FHOD3: variants seen among roughly 807,000 people sequenced by gnomAD.
FHOD3 encodes formin homology 2 domain containing 3.
A neutral mutation model predicts 173.0 loss-of-function variants in FHOD3; 90 were observed. That is an observed-to-expected ratio of 0.52 (90% confidence interval 0.44 to 0.62). FHOD3 has a LOEUF of 0.62. Among genes scored for constraint, FHOD3 ranks in the 20% least tolerant of loss-of-function variants. The pLI, the probability that FHOD3 is intolerant of heterozygous loss-of-function variation, is 0.00. For synonymous variants in FHOD3, 828 were observed against 823.0 expected, an observed-to-expected ratio of 1.01 and a Z score of -0.10; for missense variants, 1,945 against 2,034.7, an observed-to-expected ratio of 0.96 and a Z score of 0.85.
chr18:36,512,441 G>A lies in FHOD3; in HGVS notation c.409G>A (p.Asp137Asn), dbSNP rs1237751176. ...LFSLKQIFQD[D>N]KDLVHEFVVA... is the part of the protein sequence containing the mutation. ...TTTTTGTTTTCTTTCCTGCCAGGAT[G>A]ACAAGGATTTGGTGCATGAATTTGT... is the stretch of plus-strand genomic sequence containing the variant. Residue 137 changes from aspartate (D) to asparagine (N), a missense_variant, in exon 5 of 29, where the codon GAC becomes AAC. Around this residue, in one of 5 missense-constraint regions of FHOD3, gnomAD observed 245 missense variants for 267.7 expected, o/e 0.92. Coordinates refer to ENST00000590592, the MANE Select transcript of FHOD3 (RefSeq NM_001281740.3). 2 of 1,613,346 alleles carry A rather than the reference G, an allele frequency of 1.2e-6. No homozygotes were observed. The highest frequency in any genetic ancestry group is 1.1e-5 in the South Asian group (1 of 91,050).
intron 24 of FHOD3, among the ~76,000 whole-genome samples, chr18:36,754,565 A>C (rs2042543522): frequency 6.6e-6 from 1 of 152,096 alleles, no homozygotes; most frequent in Admixed American, 6.5e-5. Flanking sequence ...GAAATGTTTA[A>C]AAATATTTAC....
chr18:36,492,134 C>T (rs1027359737), intron 3 of FHOD3, among the ~76,000 whole-genome samples: 4 of 152,182 alleles, frequency 2.6e-5, no homozygotes, highest in Admixed American at 2.0e-4. Context: ...CAGTCCTCCA[C>T]GTGGTCTTAA....
At chr18:36,699,914 G>A (rs1000197965) in intron 17 of FHOD3, among the ~76,000 whole-genome samples, 2 of 151,490 alleles carry the variant, frequency 1.3e-5, no homozygotes, top group Non-Finnish European at 2.9e-5. Context: ...GTCGCTTTTT[G>A]TTGACTTTCT....
intron 3 of FHOD3, among the ~76,000 whole-genome samples, chr18:36,419,509 A>T (rs772430939): frequency 3.9e-5 from 6 of 152,152 alleles, no homozygotes; most frequent in Non-Finnish European, 8.8e-5. Context: ...TGTTTTCATG[A>T]ATTTATATAA....
chr18:36,474,986 T>TACACAC lies in FHOD3; in HGVS notation c.338-26903_338-26898dup, dbSNP rs3056805. On this transcript the variant is annotated intron_variant, in intron 3 of 28. Transcript: ENST00000590592. ...TTTGAAGAGGTTGAAAATACACACA[T>TACACAC]ACACACACACACACACACACACACA... Among the ~76,000 whole-genome samples, 841 of 108,080 alleles carry TACACAC rather than the reference T, an allele frequency of 7.8e-3. 10 individuals are homozygous for TACACAC. Among genetic ancestry groups the TACACAC allele is most frequent in the Middle Eastern group, 0.013 (3 of 234 alleles). The allele number at this position is 108,080 out of a possible 152,430, so 70.9% of individuals were successfully genotyped here. A position where few individuals can be genotyped will look rare whatever the true frequency, so the allele number is the denominator to read the frequency against.
intron 3 of FHOD3, among the ~76,000 whole-genome samples, chr18:36,383,629 C>G (rs2047895138): frequency 6.6e-6 from 1 of 152,188 alleles, no homozygotes; most frequent in African/African-American, 2.4e-5. Flanking sequence ...TTTATAAAAG[C>G]AGAAAGGGAA....
At chr18:36,335,603 G>T (rs756530420) in intron 1 of FHOD3, among the ~76,000 whole-genome samples, 3 of 152,158 alleles carry the variant, frequency 2.0e-5, no homozygotes. Flanking sequence ...CCCATGGGCC[G>T]CAGGTTGGAC....
intron 3 of FHOD3, among the ~76,000 whole-genome samples, chr18:36,487,889 A>G (rs1468987161): frequency 2.0e-5 from 3 of 152,220 alleles, no homozygotes; most frequent in Non-Finnish European, 4.4e-5. Context: ...GGATCCACAC[A>G]CAGCTTGTCC....
chr18:36,677,328 T>C (rs2037929791), intron 14 of FHOD3, among the ~76,000 whole-genome samples: 1 of 152,174 alleles, frequency 6.6e-6, no homozygotes, highest in Non-Finnish European at 1.5e-5. Flanking sequence ...TAATTTTGTA[T>C]TTTTAGTAGA....
intron 15 of FHOD3, among the ~76,000 whole-genome samples, chr18:36,686,377 C>A (rs2038617731): frequency 6.6e-6 from 1 of 151,378 alleles, no homozygotes; most frequent in Non-Finnish European, 1.5e-5. Context: ...ACCACATGTT[C>A]TTACTCATAA....
chr18:36,519,771 G>A (rs1477820847), intron 5 of FHOD3, among the ~76,000 whole-genome samples: 1 of 152,156 alleles, frequency 6.6e-6, no homozygotes, highest in Non-Finnish European at 1.5e-5. Flanking sequence ...ACGACCCTGA[G>A]CCCTTTACCT....
Position 36,669,485 on chromosome 18 carries a change from T to C in FHOD3, c.1835+11297T>C, listed in dbSNP as rs191626537. On this transcript the variant is annotated intron_variant, in intron 14 of 28. Coordinates refer to ENST00000590592, the MANE Select transcript of FHOD3 (RefSeq NM_001281740.3). ...ATTTGTTCCACCTTTTTATTCTTTC[T>C]TCCTTTTGGGGGGTTGCATATTCTT... is the stretch of plus-strand genomic sequence containing the variant. 1.1e-3 allele frequency among the ~76,000 whole-genome samples: 165 copies of C among 152,086 alleles called. 1 individual carries two copies. Among genetic ancestry groups the C allele is most frequent in the African/African-American group, 2.6e-3 (108 of 41,578 alleles).
At chr18:36,527,044 G>T (rs999819871) in intron 5 of FHOD3, among the ~76,000 whole-genome samples, 18 of 152,164 alleles carry the variant, frequency 1.2e-4, no homozygotes, top group African/African-American at 4.3e-4. Context: ...CCACCTTCTT[G>T]GACAAGCAGA....
chr18:36,382,631 T>G (rs768793562), intron 3 of FHOD3, among the ~76,000 whole-genome samples: 4 of 152,224 alleles, frequency 2.6e-5, no homozygotes, highest in Admixed American at 6.5e-5. Context: ...GCCTGTCTAC[T>G]GTGGAACTGG....
chr18:36,496,466 A>T lies in FHOD3; in HGVS notation c.338-5466A>T, dbSNP rs550494482. Among the ~76,000 whole-genome samples, 64 of 152,338 alleles carry T rather than the reference A, an allele frequency of 4.2e-4. 1 individual carries two copies. Among genetic ancestry groups the T allele is most frequent in the African/African-American group, 1.4e-3 (60 of 41,576 alleles). On this transcript the variant is annotated intron_variant, in intron 3 of 28. Coordinates refer to ENST00000590592, the MANE Select transcript of FHOD3 (RefSeq NM_001281740.3). ...TAGACTGAGGTGTCTCTTAAAATGT[A>T]TGTTACGAATCAACAGAATAAGATA...
chr18:36,674,793 C>T (rs1399123504), intron 14 of FHOD3, among the ~76,000 whole-genome samples: 1 of 152,116 alleles, frequency 6.6e-6, no homozygotes, highest in African/African-American at 2.4e-5. Flanking sequence ...ACATGTAAAG[C>T]TGTCACATGC....
intron 10 of FHOD3, among the ~76,000 whole-genome samples, chr18:36,642,221 A>G (rs1386051591): frequency 6.6e-6 from 1 of 152,222 alleles, no homozygotes; most frequent in African/African-American, 2.4e-5. Flanking sequence ...AGAAATATGT[A>G]CAACAAACCC....
chr18:36,744,058 C>T lies in FHOD3; in HGVS notation c.3906C>T (p.Leu1302=), dbSNP rs140963343. 5 of 1,614,054 alleles carry T rather than the reference C, an allele frequency of 3.1e-6. No homozygotes were observed. The highest frequency in any genetic ancestry group is 2.2e-5 in the South Asian group (2 of 91,080). ...TNAKAFELSY[L]EKVPEVKDTV... ...CCAAAGCGTTTGAGTTAAGCTACCT[C>T]GAGAAGGTTCCAGAAGTCAAAGACA... The change falls in exon 23 of 29, where the codon CTC becomes CTT. Residue 1302 remains leucine (L), a synonymous_variant. Transcript: ENST00000590592.
At chr18:36,428,125 T>C (rs1413576093) in intron 3 of FHOD3, among the ~76,000 whole-genome samples, 2 of 152,148 alleles carry the variant, frequency 1.3e-5, no homozygotes, top group African/African-American at 4.8e-5. Context: ...GCCAGGAACA[T>C]TGATAGCTGT....
Sources: allele counts gnomAD v4.1 joint callset (sites outside exome capture counted in the v4.1 genomes callset), GRCh38; gene constraint gnomAD v4.1.1; regional missense constraint gnomAD v4.1.1; transcripts MANE v1.5; gene names NCBI Gene and HGNC (gene_info 2026-07-23, HGNC 2026-07-21).